Variants in STXBP5 observed in about 807,000 individuals in gnomAD.
STXBP5 encodes the protein syntaxin binding protein 5.
STXBP5 carries 50 observed loss-of-function variants against 152.4 expected under a neutral mutation model. That is an observed-to-expected ratio of 0.33 (90% confidence interval 0.26 to 0.42). The LOEUF (loss-of-function observed/expected upper bound fraction) is 0.42. Ranked by LOEUF, STXBP5 falls within the 10% of genes least tolerant of loss-of-function variation. STXBP5 has a pLI of 1.00. For synonymous variants in STXBP5, 492 were observed against 494.7 expected (o/e 0.99, Z 0.07); for missense variants, 1,167 against 1,388.6 (o/e 0.84, Z 2.54).
At chr6:147,363,918 G>T in intron 24 of STXBP5, 83 bp from the exon 25 acceptor site, 1 of 1,463,790 alleles carries the variant, frequency 6.8e-7, no homozygotes. Flanking sequence ...GATTTATGAG[G>T]TCTCTGCCAT....
intron 14 of STXBP5, among the ~76,000 whole-genome samples, chr6:147,315,242 A>T (rs1287358278): frequency 6.6e-6 from 1 of 152,168 alleles, no homozygotes; most frequent in Admixed American, 6.5e-5. Context: ...TTATTTTTCC[A>T]AAATGTTTTT....
intron 2 of STXBP5, among the ~76,000 whole-genome samples, chr6:147,226,298 CA>C (rs58977863): frequency 0.035 from 3,121 of 90,336 alleles, 85 homozygotes; most frequent in African/African-American, 0.098. Context: ...GATACCCTTA[CA>C]AAAAAAAAAA....
chr6:147,314,285 A>G lies in STXBP5; in HGVS notation c.1315A>G (p.Asn439Asp). 3.7e-6 allele frequency: 6 copies of G among 1,612,456 alleles called. No individual in the cohort carries two copies. Among genetic ancestry groups the G allele is most frequent in the Non-Finnish European group, 5.1e-6 (6 of 1,178,652 alleles). The change falls in exon 13 of 28, where the codon AAT (asparagine) becomes GAT (aspartate). Residue 439 changes from asparagine to aspartate, a missense_variant. This residue lies in a region of STXBP5 where 833 missense variants were observed against 986.3 expected (regional missense o/e 0.84). Coordinates refer to ENST00000321680, the MANE Select transcript of STXBP5 (RefSeq NM_001127715.4). ...SKKEWPINGG[N>D]WGLGAQSYPE... is the part of the protein sequence containing the mutation. ...ATAGGAATGGCCCATCAACGGAGGTAATTGGGGCTTGGGTGCTCAAAGTTA... is the reference window on the plus strand; with the variant it reads ...ATAGGAATGGCCCATCAACGGAGGTGATTGGGGCTTGGGTGCTCAAAGTTA...
chr6:147,307,652 C>G (rs1782161526), intron 9 of STXBP5, among the ~76,000 whole-genome samples: 2 of 151,876 alleles, frequency 1.3e-5, no homozygotes, highest in South Asian at 4.2e-4. Flanking sequence ...TGGTTCTTGC[C>G]TGGCAATCAG....
intron 2 of STXBP5, among the ~76,000 whole-genome samples, chr6:147,233,132 C>T (rs1250960991): frequency 6.6e-6 from 1 of 151,576 alleles, no homozygotes; most frequent in African/African-American, 2.4e-5. Context: ...TGATGAAGTA[C>T]AAATGCCAAA....
chr6:147,331,706 T>C (rs1783576164), intron 18 of STXBP5, among the ~76,000 whole-genome samples: 1 of 151,712 alleles, frequency 6.6e-6, no homozygotes. Context: ...CAGTTAAAAT[T>C]ACAGTTCTAT....
chr6:147,219,492 T>A (rs1238847578), intron 2 of STXBP5, among the ~76,000 whole-genome samples: 1 of 152,200 alleles, frequency 6.6e-6, no homozygotes, highest in Non-Finnish European at 1.5e-5. Context: ...AAACTTGTTA[T>A]AATTCACCAG....
chr6:147,318,364 C>T (rs1224022260), intron 16 of STXBP5, among the ~76,000 whole-genome samples: 1 of 152,010 alleles, frequency 6.6e-6, no homozygotes, highest in Non-Finnish European at 1.5e-5. Context: ...TTTTTACTGA[C>T]TGAAAGAGCA....
intron 9 of STXBP5, among the ~76,000 whole-genome samples, chr6:147,293,801 C>T (rs544016796): frequency 2.0e-5 from 3 of 152,234 alleles, no homozygotes; most frequent in South Asian, 4.1e-4. Context: ...CCATACATAT[C>T]GTTAGTAATG....
At chr6:147,332,471 A>G (rs1193128080) in intron 18 of STXBP5, among the ~76,000 whole-genome samples, 1 of 152,216 alleles carries the variant, frequency 6.6e-6, no homozygotes, top group Non-Finnish European at 1.5e-5. Flanking sequence ...ATCCATGAGG[A>G]TGTCTGGGAA....
At chr6:147,316,607 C>A (rs1782657964) in intron 16 of STXBP5, among the ~76,000 whole-genome samples, 200 bp downstream of exon 16, 1 of 152,032 alleles carries the variant, frequency 6.6e-6, no homozygotes, top group African/African-American at 2.4e-5. Context: ...ATGATATTAT[C>A]CTTAAAATAT....
intron 4 of STXBP5, among the ~76,000 whole-genome samples, chr6:147,242,249 A>G (rs1778584626): frequency 6.6e-6 from 1 of 152,092 alleles, no homozygotes; most frequent in Non-Finnish European, 1.5e-5. Context: ...TAAGGATATA[A>G]AGAAAAAATT....
intron 10 of STXBP5, among the ~76,000 whole-genome samples, chr6:147,310,500 C>T (rs1456026116): frequency 6.6e-6 from 1 of 150,750 alleles, no homozygotes; most frequent in Non-Finnish European, 1.5e-5. Flanking sequence ...AAGGATTCTC[C>T]ATAGACGCAC....
intron 2 of STXBP5, among the ~76,000 whole-genome samples, chr6:147,215,029 G>A (rs115627167): frequency 7.4e-4 from 113 of 152,288 alleles, no homozygotes; most frequent in African/African-American, 2.7e-3. Context: ...AACATTTCCT[G>A]TAAAAGACCA....
At chr6:147,311,621 C>A in intron 11 of STXBP5, 94 bp downstream of exon 11, 1 of 949,424 alleles carries the variant, frequency 1.1e-6, no homozygotes, top group Non-Finnish European at 1.6e-6. Flanking sequence ...TCTTTGAAAA[C>A]TCTACATTTA....
At chr6:147,273,480 T>C (rs1780282900) in intron 7 of STXBP5, among the ~76,000 whole-genome samples, 1 of 152,200 alleles carries the variant, frequency 6.6e-6, no homozygotes, top group Non-Finnish European at 1.5e-5. Flanking sequence ...ATGATTATTC[T>C]TTGTCATATG....
At chr6:147,216,275 C>T (rs1777162184) in intron 2 of STXBP5, among the ~76,000 whole-genome samples, 1 of 152,000 alleles carries the variant, frequency 6.6e-6, no homozygotes, top group Non-Finnish European at 1.5e-5. Flanking sequence ...GCCTGTAATC[C>T]CAGCTACTTG....
chr6:147,385,425 CAAG>C lies in STXBP5; in HGVS notation c.*675_*677del, dbSNP rs1163342976. The C allele has an allele frequency of 6.6e-6, 1 of 152,044 alleles. No homozygotes were observed. The highest frequency in any genetic ancestry group is 2.4e-5 in the African/African-American group (1 of 41,428). 9.4% of individuals were successfully genotyped at this position (152,044 alleles called of 1,614,324 possible). A position where few individuals can be genotyped will look rare whatever the true frequency, so the allele number is the denominator to read the frequency against. The stretch of plus-strand genomic sequence containing the variant: ...AGTTCATATTTTGTCAAAAGCAAAA[CAAG>C]AAGATACATCACTTTTCATTGAAAA... On this transcript the variant is annotated 3_prime_UTR_variant, in exon 28 of 28. Transcript: ENST00000321680.
In STXBP5 at chr6:147,205,993, A is replaced by G. The variant is rs530956843; in HGVS notation, c.173A>G (p.Tyr58Cys). The part of the protein sequence containing the change: ...LCKTVRHGFP[Y>C]QPSALAFDPV... ...TAGACTGTTCGCCATGGATTTCCCT[A>G]TCAACCCTCAGCCCTGGCCTTTGAT... The change falls in exon 2 of 28, where the codon TAT becomes TGT. Residue 58 changes from tyrosine to cysteine, a missense_variant. Transcript: ENST00000321680. The G allele has an allele frequency of 4.3e-6, 7 of 1,614,094 alleles. No homozygotes were observed. Among genetic ancestry groups the G allele is most frequent in the African/African-American group, 2.7e-5 (2 of 75,032 alleles).
Sources: gnomAD v4.1 joint callset for allele counts (sites outside exome capture counted in the v4.1 genomes callset) on GRCh38, gnomAD v4.1.1 for gene constraint, gnomAD v4.1.1 regional missense constraint, MANE v1.5 for transcripts, NCBI Gene and HGNC (gene_info 2026-07-23, HGNC 2026-07-21) for gene names.